Variants in ZKSCAN7 observed in about 807,000 individuals in gnomAD.
The protein encoded by ZKSCAN7 is zinc finger with KRAB and SCAN domains 7.
Under a neutral mutation model 65.3 loss-of-function variants are expected in ZKSCAN7, and 38 were observed. The ratio of observed to expected loss-of-function variants is 0.58; its 90% confidence interval spans 0.45 to 0.76. The LOEUF is 0.76. ZKSCAN7 is among the 30% of genes least tolerant of loss of function. ZKSCAN7 has a pLI of 0.00. For synonymous variants in ZKSCAN7, 321 were observed against 321.0 expected (o/e 1.00, Z 0.00); for missense variants, 815 against 913.3 (o/e 0.89, Z 1.39).
intron 5 of ZKSCAN7, chr3:44,580,982 G>T (rs1700064601): frequency 6.2e-7 from 1 of 1,611,616 alleles, no homozygotes; most frequent in South Asian, 1.1e-5. Flanking sequence ...TGTTGAAGAT[G>T]TTGGCCTGGA....
Position 44,580,250 on chromosome 3 carries a change from C to A in ZKSCAN7, c.812-2722C>A, listed in dbSNP as rs948102026. 8 of 1,613,470 alleles carry A rather than the reference C, an allele frequency of 5.0e-6. No individual in the cohort carries two copies. In the Admixed American group the frequency reaches 5.0e-5, roughly 10 times the overall value. On this transcript the variant is annotated intron_variant, in intron 5 of 5. Transcript: ENST00000341840. ...CCAGAGAGAAGTAGCTGCTCTCCCC[C>A]CGGACTTTGCGGCCACAGTCCATGC... is the stretch of plus-strand genomic sequence containing the variant.
At chr3:44,575,806 G>A (rs201905680), downstream of ZKSCAN7, among the ~76,000 whole-genome samples, 1 of 152,132 alleles carries the variant, frequency 6.6e-6, no homozygotes, top group Admixed American at 6.5e-5. Context: ...TCGAATTCCC[G>A]ACCTCAGGTG....
At chr3:44,556,894 A>G in intron 1 of ZKSCAN7, 36 bp from the exon 2 acceptor site, 1 of 1,009,026 alleles carries the variant, frequency 9.9e-7, no homozygotes, top group Non-Finnish European at 1.5e-6. Context: ...GGGGCTGAAT[A>G]CTCCAAGAAC....
chr3:44,566,631 GTTAT>G (rs1184902805), intron 3 of ZKSCAN7, among the ~76,000 whole-genome samples: 9 of 151,910 alleles, frequency 5.9e-5, no homozygotes, highest in African/African-American at 1.7e-4. Flanking sequence ...TTTATTTAAT[GTTAT>G]TTATTTATTT....
At chr3:44,561,953 G>A (rs1011564768) in intron 2 of ZKSCAN7, among the ~76,000 whole-genome samples, 1 of 152,208 alleles carries the variant, frequency 6.6e-6, no homozygotes, top group African/African-American at 2.4e-5. Flanking sequence ...ACCATTCTGG[G>A]GTCTGGAGGA....
chr3:44,579,227 C>T (rs7653558), intron 5 of ZKSCAN7, among the ~76,000 whole-genome samples: 49,622 of 152,132 alleles, frequency 0.33, 8,836 homozygotes, highest in African/African-American at 0.42. Context: ...GCCTGGCCCG[C>T]CTGTGGCGTC....
intron 5 of ZKSCAN7, among the ~76,000 whole-genome samples, chr3:44,578,599 C>T (rs1699979246): frequency 6.6e-6 from 1 of 152,220 alleles, no homozygotes; most frequent in African/African-American, 2.4e-5. Flanking sequence ...CCGACTGCAG[C>T]TCCTCCAGGT....
Position 44,578,914 on chromosome 3 carries a change from G to A in ZKSCAN7, c.812-4058G>A, listed in dbSNP as rs922247834. On this transcript the variant is annotated intron_variant, in intron 5 of 5. Coordinates refer to the ZKSCAN7 transcript ENST00000341840. The stretch of plus-strand genomic sequence containing the variant: ...CACGGGCGCTCTGCTCCCGGCCCAG[G>A]GCCACCCTCAGCTGGTCCTGCAGGA... 4.6e-5 allele frequency among the ~76,000 whole-genome samples: 7 copies of A among 152,212 alleles called. No individual in the cohort carries two copies. The East Asian group carries it at 1.2e-3, about 25-fold the overall frequency.
rs149049558 is a variant in ZKSCAN7, at chr3:44,570,463, C to T, written c.1353C>T (p.Ser451=). 3 of 1,614,024 alleles carry T rather than the reference C, an allele frequency of 1.9e-6. No individual in the cohort carries two copies. The African/African-American group carries it at 4.0e-5, about 22-fold the overall frequency. The change falls in exon 6 of 6, where the codon AGC becomes AGT. Residue 451 remains serine (S), a synonymous_variant. Coordinates refer to ENST00000426540, the MANE Select transcript of ZKSCAN7 (RefSeq NM_001288590.2). ...CSECGKAYRH[S]SHLIQHQRLH... Reference sequence around the variant, plus strand: ...AGTGTGGAAAGGCCTATAGGCACAGCTCCCATCTCATTCAACACCAGAGAC... The same window carrying T: ...AGTGTGGAAAGGCCTATAGGCACAGTTCCCATCTCATTCAACACCAGAGAC...
chr3:44,560,973 C>T (rs1220586020), intron 2 of ZKSCAN7, among the ~76,000 whole-genome samples: 1 of 152,152 alleles, frequency 6.6e-6, no homozygotes, highest in African/African-American at 2.4e-5. Flanking sequence ...GTGGGAGGAC[C>T]AGGATTTTCC....
At chr3:44,559,616 G>A (rs1373057408) in intron 2 of ZKSCAN7, among the ~76,000 whole-genome samples, 4 of 152,046 alleles carry the variant, frequency 2.6e-5, no homozygotes, top group East Asian at 1.9e-4. Flanking sequence ...TAGTAGAGAC[G>A]GGGTTTCACC....
chr3:44,557,497 C>G (rs1385811851), intron 2 of ZKSCAN7, 27 bp downstream of exon 2: 1 of 1,612,770 alleles, frequency 6.2e-7, no homozygotes, highest in East Asian at 2.2e-5. Flanking sequence ...AGAATGGCGG[C>G]CTGATGCTTC....
At position 44,572,038 on chromosome 3, in the gene ZKSCAN7, G is replaced by A. The variant is rs972023512; in HGVS notation, c.*663G>A. ...TGGTTAATTGCCTTGTAAATTTTGC[G>A]TGTCTGTATACTTTTATACCAACTT... On this transcript the variant is annotated 3_prime_UTR_variant, in exon 6 of 6. Transcript: ENST00000426540. 4.2e-5 allele frequency: 41 copies of A among 985,492 alleles called. No homozygotes were observed. Among genetic ancestry groups the A allele is most frequent in the African/African-American group, 3.0e-4 (17 of 57,224 alleles). The allele number at this position is 985,492 out of a possible 1,614,324, so 61.0% of individuals were successfully genotyped here.
Position 44,571,740 on chromosome 3 carries a change from C to G in ZKSCAN7, c.*365C>G. On this transcript the variant is annotated 3_prime_UTR_variant, in exon 6 of 6. Transcript: ENST00000426540. ...TACTTCCTCCATTTCACCATTTATACAAAGTCATTCAAAAAGGCTGATTCA... is the reference window on the plus strand; with the variant it reads ...TACTTCCTCCATTTCACCATTTATAGAAAGTCATTCAAAAAGGCTGATTCA... 1 of 1,047,272 alleles carries G rather than the reference C, an allele frequency of 9.5e-7. No homozygotes were observed. The highest frequency in any genetic ancestry group is 1.7e-5 in the African/African-American group (1 of 58,790). 64.9% of individuals were successfully genotyped at this position (1,047,272 alleles called of 1,614,324 possible).
Position 44,567,936 on chromosome 3 carries a change from C to T in ZKSCAN7, c.617C>T (p.Thr206Ile). The part of the protein sequence containing the change: ...DFAQCTSPVP[T>I]LPQVGNSGDQ... ...GCTCAATGTACTTCTCCAGTTCCTA[C>T]CCTTCCTCAAGTGGGGAACTCAGGA... The change falls in exon 4 of 6, where the codon ACC becomes ATC. Residue 206 changes from threonine (T) to isoleucine (I), a missense_variant. By Grantham distance (89) the Thr-to-Ile change is moderately conservative. This residue lies in a region of ZKSCAN7 where 227 missense variants were observed against 253.3 expected (regional missense o/e 0.90). Transcript: ENST00000426540. 2 of 1,164,036 alleles carry T rather than the reference C, an allele frequency of 1.7e-6. No individual in the cohort carries two copies. Among genetic ancestry groups the T allele is most frequent in the South Asian group, 2.9e-5 (2 of 69,614 alleles). 72.1% of individuals were successfully genotyped at this position (1,164,036 alleles called of 1,614,324 possible).
At chr3:44,565,354 A>T in intron 2 of ZKSCAN7, 133 bp from the exon 3 acceptor site, 2 of 805,278 alleles carry the variant, frequency 2.5e-6, no homozygotes, top group Non-Finnish European at 3.8e-6. Context: ...AGTAGACTGT[A>T]GTGGTGGGGC....
At chr3:44,578,016 C>T (rs752826800) in intron 5 of ZKSCAN7, among the ~76,000 whole-genome samples, 8 of 152,206 alleles carry the variant, frequency 5.3e-5, no homozygotes, top group Admixed American at 3.3e-4. Context: ...TCTGAGTTGC[C>T]AGGTGACACA....
At position 44,557,070 on chromosome 3, in the gene ZKSCAN7, A is replaced by G; in HGVS notation, c.23A>G (p.Asn8Ser). 1 of 1,614,218 alleles carries G rather than the reference A, an allele frequency of 6.2e-7. No homozygotes were observed. The highest frequency in any genetic ancestry group is 1.3e-5 in the African/African-American group (1 of 75,060). Residue 8 changes from asparagine to serine, a missense_variant, in exon 2 of 6, where the codon AAT becomes AGT. Physicochemically the swap from Asn to Ser is conservative, Grantham distance 46. Around this residue, in one of 3 missense-constraint regions of ZKSCAN7, gnomAD observed 227 missense variants for 253.3 expected, o/e 0.90. Transcript: ENST00000426540. The stretch of plus-strand genomic sequence containing the variant: ...ACAATGACCACTGCAGGCAGGGGAA[A>G]TTTAGGCCTCATCCCCAGGAGCACT... MTTAGRG[N>S]LGLIPRSTAF...
At position 44,567,908 on chromosome 3, in the gene ZKSCAN7, T is replaced by G. The variant is rs1388005388; in HGVS notation, c.593-4T>G. 2.4e-6 allele frequency: 2 copies of G among 840,890 alleles called. No individual in the cohort carries two copies. Among genetic ancestry groups the G allele is most frequent in the Non-Finnish European group, 3.7e-6 (2 of 535,744 alleles). 52.1% of individuals were successfully genotyped at this position (840,890 alleles called of 1,614,324 possible). ...CCCACTCATAGCTTTCTTTCCTCCC[T>G]CAGCTCAATGTACTTCTCCAGTTCC... On this transcript the variant is annotated splice_region_variant and splice_polypyrimidine_tract_variant and intron_variant, in intron 3 of 5. Transcript: ENST00000426540.
Sources: gnomAD v4.1 joint callset for allele counts (sites outside exome capture counted in the v4.1 genomes callset) on GRCh38, gnomAD v4.1.1 for gene constraint, gnomAD v4.1.1 regional missense constraint, MANE v1.5 for transcripts, NCBI Gene and HGNC (gene_info 2026-07-23, HGNC 2026-07-21) for gene names.